Variants in TRMT11 observed in about 807,000 individuals in gnomAD.
TRMT11 encodes the protein tRNA (guanine(10)-N(2))-methyltransferase TRMT11.
A neutral mutation model predicts 62.8 loss-of-function variants in TRMT11; 53 were observed. The observed-to-expected ratio is 0.84, with a 90% CI of 0.68 to 1.06. TRMT11 has a LOEUF of 1.06. TRMT11 is among the 50% of genes least tolerant of loss of function. The probability of loss-of-function intolerance (pLI) is 0.00; values close to 1 mark genes in which losing one functional copy is unlikely to be tolerated. For synonymous variants in TRMT11, 188 were observed against 190.3 expected, an observed-to-expected ratio of 0.99 and a Z score of 0.10; for missense variants, 556 against 553.4, an observed-to-expected ratio of 1.00 and a Z score of -0.05.
intron 3 of TRMT11, among the ~76,000 whole-genome samples, chr6:126,201,644 T>A (rs1272576881): frequency 6.6e-6 from 1 of 152,222 alleles, no homozygotes; most frequent in African/African-American, 2.4e-5. Context: ...TTGACATTGA[T>A]GGTTTATATC....
chr6:126,066,938 A>T (rs1050452223), intron 17 of TRMT11, among the ~76,000 whole-genome samples: 33 of 151,790 alleles, frequency 2.2e-4, no homozygotes, highest in African/African-American at 7.7e-4. Flanking sequence ...AAAAAAAAAA[A>T]TAAGGGCCGG....
chr6:126,171,039 G>T (rs1418614573), intron 21 of TRMT11, among the ~76,000 whole-genome samples: 1 of 152,088 alleles, frequency 6.6e-6, no homozygotes, highest in Non-Finnish European at 1.5e-5. Context: ...ATTTAACTTT[G>T]ACCTCCTTTA....
intron 21 of TRMT11, among the ~76,000 whole-genome samples, chr6:126,163,512 TTC>T (rs1215405675): frequency 2.6e-5 from 4 of 152,184 alleles, no homozygotes; most frequent in Non-Finnish European, 5.9e-5. Flanking sequence ...GCCTGAAATT[TTC>T]TCTTTTTGTT....
At chr6:126,268,496 G>A in the TRMT11 span, among the ~76,000 whole-genome samples, 2 of 152,322 alleles carry the variant, frequency 1.3e-5, no homozygotes, top group Non-Finnish European at 2.9e-5. Context: ...GGTTGTGTGA[G>A]GCGTTCTGAA....
chr6:126,206,102 C>T (rs1356309145), downstream of TRMT11, among the ~76,000 whole-genome samples: 1 of 152,168 alleles, frequency 6.6e-6, no homozygotes, highest in African/African-American at 2.4e-5. Context: ...CTGTTTAGAA[C>T]TCTGCTTTTC....
chr6:126,220,788 A>T, the TRMT11 span, among the ~76,000 whole-genome samples: 1 of 151,532 alleles, frequency 6.6e-6, no homozygotes, highest in Admixed American at 6.6e-5. Context: ...GGTTCAGGGG[A>T]TACATGTGCA....
chr6:126,106,900 C>G (rs1186686709), intron 17 of TRMT11, among the ~76,000 whole-genome samples: 1 of 149,030 alleles, frequency 6.7e-6, no homozygotes, highest in African/African-American at 2.5e-5. Flanking sequence ...GGCCACTGCA[C>G]TCCAGCATGC....
At chr6:126,003,396 T>C (rs1192585851) in intron 7 of TRMT11, among the ~76,000 whole-genome samples, 1 of 152,078 alleles carries the variant, frequency 6.6e-6, no homozygotes, top group Non-Finnish European at 1.5e-5. Context: ...CTAGGGTAAA[T>C]TCTTACAAGT....
In TRMT11 at chr6:126,011,391, C is replaced by T. The variant is rs1794166601; in HGVS notation, c.899C>T (p.Thr300Ile). Residue 300 changes from threonine (T) to isoleucine (I), a missense_variant, in exon 9 of 13, where the codon ACA (threonine) becomes ATA (isoleucine). By Grantham distance (89) the Thr-to-Ile change is moderately conservative. Coordinates refer to ENST00000334379, the MANE Select transcript of TRMT11 (RefSeq NM_001031712.3). ...DASKPSWRKG[T>I]YFDAIITDPP... ...TCTAAACCTTCCTGGAGGAAGGGCA[C>T]ATATTTTGATGCAATCATTACTGAT... 15 of 1,612,552 alleles carry T rather than the reference C, an allele frequency of 9.3e-6. No individual in the cohort carries two copies. The highest frequency in any genetic ancestry group is 1.3e-5 in the Non-Finnish European group (15 of 1,179,060).
chr6:126,220,571 C>T, the TRMT11 span, among the ~76,000 whole-genome samples: 3,513 of 152,242 alleles, frequency 0.023, 158 homozygotes, highest in African/African-American at 0.08. Context: ...AAAATGAAGA[C>T]ATTTCTTTAG....
chr6:126,225,971 C>T, the TRMT11 span, among the ~76,000 whole-genome samples: 3 of 134 alleles, frequency 0.022, no homozygotes, highest in Middle Eastern at 0.5. Context: ...GGATTACAGG[C>T]GTGAGTACCG....
the TRMT11 span, among the ~76,000 whole-genome samples, chr6:126,230,242 T>A: frequency 1.3e-5 from 2 of 152,194 alleles, no homozygotes. Flanking sequence ...TAACACCCTC[T>A]TCCTAACAAC....
downstream of TRMT11, among the ~76,000 whole-genome samples, chr6:126,041,260 T>C (rs1259402328): frequency 6.6e-6 from 1 of 152,134 alleles, no homozygotes; most frequent in Non-Finnish European, 1.5e-5. Context: ...GGAGGCATTG[T>C]AGTGGGTGTG....
intron 21 of TRMT11, among the ~76,000 whole-genome samples, chr6:126,165,515 G>A (rs1778247759): frequency 6.6e-6 from 1 of 152,136 alleles, no homozygotes; most frequent in Admixed American, 6.5e-5. Context: ...TGTCTTTAAA[G>A]GATTTTATTT....
the TRMT11 span, among the ~76,000 whole-genome samples, chr6:126,210,532 G>A: frequency 6.6e-6 from 1 of 152,094 alleles, no homozygotes; most frequent in Non-Finnish European, 1.5e-5. Context: ...ACAATAGATG[G>A]GTGTTGTTTT....
intron 21 of TRMT11, among the ~76,000 whole-genome samples, chr6:126,122,048 T>G (rs1295335953): frequency 6.6e-6 from 1 of 152,068 alleles, no homozygotes; most frequent in Non-Finnish European, 1.5e-5. Flanking sequence ...CATGCTGTTC[T>G]TGTGATAGTG....
chr6:126,236,534 C>T, the TRMT11 span, among the ~76,000 whole-genome samples: 3 of 152,080 alleles, frequency 2.0e-5, no homozygotes, highest in Non-Finnish European at 2.9e-5. Flanking sequence ...ACTATTGACA[C>T]GAATTCTTTC....
the TRMT11 span, among the ~76,000 whole-genome samples, chr6:126,240,926 GC>G: frequency 3.9e-5 from 6 of 152,224 alleles, no homozygotes; most frequent in African/African-American, 1.4e-4. Flanking sequence ...CCCTCCCCCA[GC>G]CTCGCTGCTG....
chr6:126,063,827 CTGGGAGGAT>C (rs1776607518), intron 17 of TRMT11, among the ~76,000 whole-genome samples: 2 of 152,184 alleles, frequency 1.3e-5, no homozygotes, highest in African/African-American at 2.4e-5. Flanking sequence ...GGGTAGAAAT[CTGGGAGGAT>C]CCGAGCCTTC....
Sources: gnomAD v4.1 joint callset for allele counts (sites outside exome capture counted in the v4.1 genomes callset) on GRCh38, gnomAD v4.1.1 for gene constraint, MANE v1.5 for transcripts, NCBI Gene and HGNC (gene_info 2026-07-23, HGNC 2026-07-21) for gene names.